STK17B: variants seen among roughly 807,000 people sequenced by gnomAD.
STK17B encodes the protein serine/threonine kinase 17b.
In STK17B, 21 loss-of-function variants were observed where a neutral mutation model predicts 42.0. The ratio of observed to expected loss-of-function variants is 0.50; its 90% CI spans 0.35 to 0.72. The LOEUF (loss-of-function observed/expected upper bound fraction) is 0.72. Ranked by LOEUF, STK17B falls within the 30% of genes least tolerant of loss-of-function variation. STK17B has a pLI of 0.00. For missense variants in STK17B, 349 were observed against 446.0 expected, an observed-to-expected ratio of 0.78 and a Z score of 1.96; for synonymous variants, 143 against 148.4, an observed-to-expected ratio of 0.96 and a Z score of 0.26.
chr2:196,139,584 A>G, intron 7 of STK17B, 36 bp downstream of exon 7: 2 of 1,253,736 alleles, frequency 1.6e-6, no homozygotes. Context: ...TAAACAAATT[A>G]AATTTGTAAT....
intron 2 of STK17B, among the ~76,000 whole-genome samples, chr2:196,161,869 G>A (rs758648650): frequency 6.6e-6 from 1 of 151,956 alleles, no homozygotes; most frequent in Non-Finnish European, 1.5e-5. Context: ...CATCTGCAAC[G>A]TGAAAAAGCC....
intron 6 of STK17B, 28 bp downstream of exon 6, chr2:196,141,221 A>T (rs1364411787): frequency 6.4e-7 from 1 of 1,573,228 alleles, no homozygotes; most frequent in South Asian, 1.1e-5. Flanking sequence ...TTCCATAAAG[A>T]TGTTTAAGGT....
At position 196,134,288 on chromosome 2, in the gene STK17B, C is replaced by T. The variant is rs1699364097; in HGVS notation, c.*3159G>A. The T allele has an allele frequency of 6.8e-6, 1 of 146,068 alleles. No individual in the cohort carries two copies. The allele number at this position is 146,068 out of a possible 1,614,324, so 9.0% of individuals were successfully genotyped here. A position where few individuals can be genotyped will look rare whatever the true frequency, so the allele number is the denominator to read the frequency against. On this transcript the variant is annotated 3_prime_UTR_variant, in exon 8 of 8. Transcript: ENST00000263955. ...GACTAGAGCAGGGGTCCCCAGTCCCCAGGCCACGACCGGGCTGCATAGAAG... is the reference window on the plus strand; with the variant it reads ...GACTAGAGCAGGGGTCCCCAGTCCCTAGGCCACGACCGGGCTGCATAGAAG...
At chr2:196,150,885 A>G (rs978910967) in intron 3 of STK17B, among the ~76,000 whole-genome samples, 1 of 152,208 alleles carries the variant, frequency 6.6e-6, no homozygotes, top group Admixed American at 6.5e-5. Context: ...CCCTTTTTGG[A>G]GGATTGTTTT....
chr2:196,167,770 G>A (rs980227644), intron 1 of STK17B, among the ~76,000 whole-genome samples: 2 of 152,142 alleles, frequency 1.3e-5, no homozygotes, highest in African/African-American at 4.8e-5. Context: ...TCAGGTAAGT[G>A]TCCTATCAAG....
chr2:196,145,985 T>C lies in STK17B; in HGVS notation c.406A>G (p.Ile136Val), dbSNP rs755616780. ...LAEMVSENDV[I>V]RLIKQILEGV... ...TCAAGTATTTGTTTAATGAGTCTGA[T>C]AACATCATTTTCAGAAACCATTTCA... The change falls in exon 4 of 8, where the codon ATC becomes GTC. Residue 136 changes from isoleucine to valine, a missense_variant. Transcript: ENST00000263955. 1.9e-5 allele frequency: 30 copies of C among 1,608,512 alleles called. No individual in the cohort carries two copies. Among genetic ancestry groups the C allele is most frequent in the Non-Finnish European group, 2.1e-5 (25 of 1,178,464 alleles).
chr2:196,145,412 G>A (rs1258605047), intron 4 of STK17B, among the ~76,000 whole-genome samples: 1 of 152,112 alleles, frequency 6.6e-6, no homozygotes, highest in Non-Finnish European at 1.5e-5. Context: ...CATGAGAGAT[G>A]GAGATAAGAG....
intron 5 of STK17B, 128 bp downstream of exon 5, chr2:196,143,432 T>A: frequency 1.1e-6 from 1 of 907,472 alleles, no homozygotes; most frequent in Non-Finnish European, 1.6e-6. Context: ...TTTTAATGTA[T>A]CAAAATACTT....
chr2:196,175,747 C>T (rs912285512), upstream of STK17B, among the ~76,000 whole-genome samples: 2 of 152,144 alleles, frequency 1.3e-5, no homozygotes, highest in African/African-American at 4.8e-5. Flanking sequence ...TGTTTCATGG[C>T]CACATGTGGC....
At chr2:196,174,686 G>A (rs546515197), upstream of STK17B, among the ~76,000 whole-genome samples, 4 of 152,214 alleles carry the variant, frequency 2.6e-5, no homozygotes, top group African/African-American at 9.6e-5. Flanking sequence ...CCCCTCTCTG[G>A]AGGTAGGAAT....
intron 2 of STK17B, 92 bp from the exon 3 acceptor site, chr2:196,156,743 A>C: frequency 1.1e-6 from 1 of 897,642 alleles, no homozygotes; most frequent in Non-Finnish European, 1.7e-6. Flanking sequence ...ACTTAAAGTC[A>C]ATTCTTTGAA....
chr2:196,170,033 T>A (rs1699919994), intron 1 of STK17B, among the ~76,000 whole-genome samples: 1 of 152,184 alleles, frequency 6.6e-6, no homozygotes, highest in African/African-American at 2.4e-5. Flanking sequence ...GTTTAAAACT[T>A]TTGCACCGCT....
At chr2:196,175,238 A>G (rs1441456802), upstream of STK17B, among the ~76,000 whole-genome samples, 5 of 152,192 alleles carry the variant, frequency 3.3e-5, no homozygotes, top group African/African-American at 7.2e-5. Context: ...TCAGATGCCA[A>G]ATTTTCATCG....
intron 2 of STK17B, 151 bp downstream of exon 2, chr2:196,163,111 T>G: frequency 1.1e-6 from 1 of 904,514 alleles, no homozygotes; most frequent in South Asian, 1.6e-5. Context: ...TCAAGTCAGT[T>G]AAGACTGGAC....
chr2:196,148,599 G>A (rs1477249382), intron 3 of STK17B, among the ~76,000 whole-genome samples: 1 of 151,772 alleles, frequency 6.6e-6, no homozygotes, highest in Middle Eastern at 3.2e-3. Flanking sequence ...CAAATAACTT[G>A]AAATTATTAG....
chr2:196,161,277 A>T (rs1378066073), intron 2 of STK17B, among the ~76,000 whole-genome samples: 1 of 150,302 alleles, frequency 6.7e-6, no homozygotes, highest in African/African-American at 2.5e-5. Context: ...CAGGAAACTT[A>T]AAAAAAAGAA....
intron 3 of STK17B, among the ~76,000 whole-genome samples, chr2:196,149,767 A>T (rs1351012272): frequency 6.6e-6 from 1 of 152,238 alleles, no homozygotes; most frequent in Non-Finnish European, 1.5e-5. Context: ...ACATATCATA[A>T]AGTAACCATC....
upstream of STK17B, among the ~76,000 whole-genome samples, chr2:196,173,001 G>T (rs1699966235): frequency 6.6e-6 from 1 of 152,078 alleles, no homozygotes; most frequent in Non-Finnish European, 1.5e-5. Flanking sequence ...TGGTTTTGGG[G>T]TTGTGTGTTT....
At chr2:196,157,109 G>A (rs1699750165) in intron 2 of STK17B, among the ~76,000 whole-genome samples, 2 of 149,282 alleles carry the variant, frequency 1.3e-5, no homozygotes, top group Admixed American at 1.4e-4. Flanking sequence ...CCAAGATCAT[G>A]CCACTGTACT....
Sources: gnomAD v4.1 joint callset for allele counts (sites outside exome capture counted in the v4.1 genomes callset) on GRCh38, gnomAD v4.1.1 for gene constraint, MANE v1.5 for transcripts, NCBI Gene and HGNC (gene_info 2026-07-23, HGNC 2026-07-21) for gene names.